Variants in URGCP observed in about 807,000 individuals in gnomAD.
URGCP encodes the protein up-regulator of cell proliferation.
Under a neutral mutation model 24.6 loss-of-function variants are expected in URGCP, and 13 were observed. The ratio of observed to expected loss-of-function variants is 0.53; its 90% CI spans 0.34 to 0.84. The LOEUF is 0.84. URGCP is among the 40% of genes least tolerant of loss of function. URGCP has a pLI of 0.01. For synonymous variants in URGCP, 444 were observed against 487.2 expected, an observed-to-expected ratio of 0.91 and a Z score of 1.17; for missense variants, 899 against 1,194.3, an observed-to-expected ratio of 0.75 and a Z score of 3.64.
chr7:43,886,597 C>A (rs2095862534), intron 3 of URGCP, among the ~76,000 whole-genome samples: 1 of 151,858 alleles, frequency 6.6e-6, no homozygotes, highest in Non-Finnish European at 1.5e-5. Flanking sequence ...ACTAAAAATA[C>A]AAAAAATTAG....
chr7:43,881,609 T>G (rs1696366649), intron 5 of URGCP, 50 bp downstream of exon 5: 2 of 1,613,508 alleles, frequency 1.2e-6, no homozygotes, highest in African/African-American at 2.7e-5. Flanking sequence ...CTGGCCTAGA[T>G]GATAACCCCC....
At position 43,887,489 on chromosome 7, in the gene URGCP, A is replaced by G. The variant is rs2095863901; in HGVS notation, c.42-4T>C. On this transcript the variant is annotated splice_region_variant and splice_polypyrimidine_tract_variant and intron_variant, in intron 2 of 5. Coordinates refer to ENST00000453200, the MANE Select transcript of URGCP (RefSeq NM_001077663.3). Reference sequence around the variant, plus strand: ...TACTTCTCCCAAATCTGAATGCCTGAAACAATTTCAGAAGAAAATTATAAT... The same window carrying G: ...TACTTCTCCCAAATCTGAATGCCTGGAACAATTTCAGAAGAAAATTATAAT... 6.2e-7 allele frequency: 1 copy of G among 1,613,530 alleles called. No homozygotes were observed. The highest frequency in any genetic ancestry group is 8.5e-7 in the Non-Finnish European group (1 of 1,179,764).
intron 1 of URGCP, chr7:43,888,086 T>C (rs139142508): frequency 2.2e-4 from 94 of 419,728 alleles, no homozygotes; most frequent in Middle Eastern, 1.3e-3. Flanking sequence ...ATTGTGTATG[T>C]TTATCTATAG....
intron 3 of URGCP, among the ~76,000 whole-genome samples, chr7:43,883,368 T>A (rs1445001193): frequency 3.4e-4 from 46 of 136,770 alleles, no homozygotes; most frequent in East Asian, 6.2e-4. Context: ...ATATATTTTT[T>A]TTTTTTTTTT....
At chr7:43,914,903 G>T (rs2095913869) in intron 1 of URGCP, among the ~76,000 whole-genome samples, 1 of 152,194 alleles carries the variant, frequency 6.6e-6, no homozygotes, top group Admixed American at 6.5e-5. Context: ...CCCTAAACAT[G>T]CCCATGGTGA....
chr7:43,894,955 C>T (rs769855537), intron 1 of URGCP, among the ~76,000 whole-genome samples: 1 of 151,914 alleles, frequency 6.6e-6, no homozygotes. Flanking sequence ...TGCTTGAGGC[C>T]GGGAGGTTGA....
At chr7:43,885,102 AT>A (rs10707770) in intron 3 of URGCP, among the ~76,000 whole-genome samples, 144,536 of 148,172 alleles carry the variant, frequency 0.98, 70,491 homozygotes, top group South Asian at 1. Context: ...GTATAGTATA[AT>A]TTTTTTTTTT....
intron 1 of URGCP, among the ~76,000 whole-genome samples, chr7:43,917,761 G>T (rs28851784): frequency 0.075 from 11,472 of 152,116 alleles, 580 homozygotes; most frequent in African/African-American, 0.14. Flanking sequence ...GCCAGGTGTG[G>T]TGGCTCATGC....
upstream of URGCP, chr7:43,926,691 C>A: frequency 4.3e-6 from 4 of 925,992 alleles, no homozygotes; most frequent in Non-Finnish European, 6.0e-6. Flanking sequence ...GGAGGCAGAA[C>A]AGCCTCCCGC....
intron 5 of URGCP, chr7:43,881,047 G>A (rs1169302100): frequency 1.6e-6 from 1 of 624,400 alleles, no homozygotes; most frequent in African/African-American, 1.8e-5. Context: ...AAAAACAAAA[G>A]TACTATATGG....
Position 43,876,735 on chromosome 7 carries a change from T to A in URGCP, c.2728A>T (p.Ile910Phe), listed in dbSNP as rs1311690865. Reference protein sequence around the residue: ...FELKRCLLENIRNGLSNQNKN... With the variant: ...FELKRCLLENFRNGLSNQNKN... Reference sequence around the variant, plus strand: ...TTTTGGTTCGACAAGCCGTTCCTGATGTTTTCGAGTAGGCATCTCTTCAAT... The same window carrying A: ...TTTTGGTTCGACAAGCCGTTCCTGAAGTTTTCGAGTAGGCATCTCTTCAAT... Residue 910 changes from isoleucine (I) to phenylalanine (F), a missense_variant, in exon 6 of 6, where the codon ATC becomes TTC. Ile to Phe is a conservative substitution (Grantham distance 21, BLOSUM62 0). Coordinates refer to ENST00000453200, the MANE Select transcript of URGCP (RefSeq NM_001077663.3). 8.1e-6 allele frequency: 13 copies of A among 1,614,130 alleles called. No homozygotes were observed. Among genetic ancestry groups the A allele is most frequent in the East Asian group, 4.5e-5 (2 of 44,900 alleles).
chr7:43,905,062 C>T (rs185587543), intron 1 of URGCP, among the ~76,000 whole-genome samples: 2 of 152,210 alleles, frequency 1.3e-5, no homozygotes, highest in African/African-American at 4.8e-5. Context: ...TAATCACAAC[C>T]GCAAATACCA....
intron 1 of URGCP, among the ~76,000 whole-genome samples, chr7:43,917,533 G>T (rs2095916810): frequency 6.6e-6 from 1 of 152,210 alleles, no homozygotes; most frequent in African/African-American, 2.4e-5. Flanking sequence ...TACAGTGGCA[G>T]CCCGGGTTCA....
At chr7:43,883,799 G>T (rs766217213) in intron 3 of URGCP, among the ~76,000 whole-genome samples, 1 of 152,116 alleles carries the variant, frequency 6.6e-6, no homozygotes, top group Non-Finnish European at 1.5e-5. Context: ...CTGGGAGATG[G>T]ACATGTGAAA....
At chr7:43,881,217 T>G in intron 5 of URGCP, 1 of 702,792 alleles carries the variant, frequency 1.4e-6, no homozygotes, top group Non-Finnish European at 2.6e-6. Flanking sequence ...AGAAAACACT[T>G]CTGCCCAGTG....
chr7:43,890,772 G>A (rs545495322), intron 1 of URGCP, among the ~76,000 whole-genome samples: 1 of 152,318 alleles, frequency 6.6e-6, no homozygotes, highest in South Asian at 2.1e-4. Flanking sequence ...CAGTGGACGG[G>A]CTGGTTTGTT....
rs1344206753 is a variant in URGCP, at chr7:43,878,119, C to A, written c.1344G>T (p.Val448=). The A allele has an allele frequency of 6.2e-7, 1 of 1,614,118 alleles. No individual in the cohort carries two copies. The highest frequency in any genetic ancestry group is 1.3e-5 in the African/African-American group (1 of 74,940). Residue 448 remains valine (V), a synonymous_variant, in exon 6 of 6, where the codon GTG becomes GTT. Coordinates refer to ENST00000453200, the MANE Select transcript of URGCP (RefSeq NM_001077663.3). This position sits in a 1 kb window ranked among gnomAD's most constrained non-coding sequence, Gnocchi z 5.6. ...VLRAPCRRVS[V]EDMAHAARKL... ...TGCGGGCTGCGTGCGCCATGTCCTCCACAGATACCCGCCTGCAGGGTGCCC... is the reference window on the plus strand; with the variant it reads ...TGCGGGCTGCGTGCGCCATGTCCTCAACAGATACCCGCCTGCAGGGTGCCC...
At position 43,890,245 on chromosome 7, in the gene URGCP, C is replaced by T. The variant is rs373671131; in HGVS notation, c.15-2429G>A. Among the ~76,000 whole-genome samples the T allele has an allele frequency of 2.5e-4, 31 of 125,774 alleles. 1 individual carries two copies. Among genetic ancestry groups the T allele is most frequent in the East Asian group, 1.9e-3 (8 of 4,230 alleles). The allele number at this position is 125,774 out of a possible 152,430, so 82.5% of individuals were successfully genotyped here. Reference sequence around the variant, plus strand: ...TTTTTTTTTTTTTGAGACAGAGTCTCGCTCTGTTGCCCAGGCTGGAGTGCA... The same window carrying T: ...TTTTTTTTTTTTTGAGACAGAGTCTTGCTCTGTTGCCCAGGCTGGAGTGCA... On this transcript the variant is annotated intron_variant, in intron 1 of 5. Coordinates refer to ENST00000453200, the MANE Select transcript of URGCP (RefSeq NM_001077663.3).
At chr7:43,895,751 GTTA>G in intron 1 of URGCP, among the ~76,000 whole-genome samples, 1 of 152,336 alleles carries the variant, frequency 6.6e-6, no homozygotes, top group East Asian at 1.9e-4. Flanking sequence ...GGGAATGTAA[GTTA>G]GTACAGCCTT....
Sources: gnomAD v4.1 joint callset for allele counts (sites outside exome capture counted in the v4.1 genomes callset) on GRCh38, gnomAD v4.1.1 for gene constraint, Gnocchi (gnomAD v3.1) non-coding constraint, MANE v1.5 for transcripts, NCBI Gene and HGNC (gene_info 2026-07-23, HGNC 2026-07-21) for gene names.